Variants in OR7D2 observed in about 807,000 individuals in gnomAD.
The protein encoded by OR7D2 is olfactory receptor family 7 subfamily D member 2.
For missense variants in OR7D2, 370 were observed against 384.1 expected (o/e 0.96, Z 0.31); for synonymous variants, 158 against 158.7 (o/e 1.00, Z 0.03).
rs1416291799 is a variant in OR7D2, at chr19:9,186,032, A to G, written c.251A>G (p.Asn84Ser). The change falls in exon 3 of 3, where the codon AAC (asparagine) becomes AGC (serine). Residue 84 changes from asparagine (N) to serine (S), a missense_variant. Physicochemically the swap from Asn to Ser is conservative, Grantham distance 46 (BLOSUM62 1). Transcript: ENST00000641288. ...STCIVPKMLVNIQTENKAISY... is the reference protein window; with the variant it reads ...STCIVPKMLVSIQTENKAISY... The stretch of plus-strand genomic sequence containing the variant: ...TGCATCGTCCCCAAGATGCTGGTGA[A>G]CATCCAGACCGAGAACAAAGCCATC... The G allele has an allele frequency of 1.2e-6, 2 of 1,614,002 alleles. No homozygotes were observed. The highest frequency in any genetic ancestry group is 1.3e-5 in the African/African-American group (1 of 74,904).
In OR7D2 at chr19:9,182,933, G is replaced by A. The variant is rs61755866; in HGVS notation, c.-14+2145G>A. 8.0e-3 allele frequency: 3,482 copies of A among 436,812 alleles called. 119 individuals carry two copies. Among genetic ancestry groups the A allele is most frequent in the African/African-American group, 0.065 (3,182 of 49,222 alleles). The allele number at this position is 436,812 out of a possible 1,614,324, so 27.1% of individuals were successfully genotyped here. On this transcript the variant is annotated intron_variant, in intron 2 of 2. Transcript: ENST00000641288. ...ACTCAACATGGCTTTTATCGTGCCC[G>A]ATGTTAATGCACGTTCTTTTTTGAC...
rs56165015 is a variant in OR7D2, at chr19:9,187,498, T to TA, written c.*785dup. ...AGATACATACCATGTTTTCTTTTTT[T>TA]AAAAAAATTTATTTTTATGTCAGTA... On this transcript the variant is annotated 3_prime_UTR_variant, in exon 3 of 3. Coordinates refer to ENST00000641288, the MANE Select transcript of OR7D2 (RefSeq NM_175883.4). The TA allele has an allele frequency of 0.26, 43,580 of 166,228 alleles. 10,615 individuals are homozygous for TA. Among genetic ancestry groups the TA allele is most frequent in the African/African-American group, 0.67 (27,861 of 41,288 alleles). 10.3% of individuals were successfully genotyped at this position (166,228 alleles called of 1,614,324 possible).
chr19:9,185,092 C>G (rs967236961), intron 2 of OR7D2, among the ~76,000 whole-genome samples: 2 of 151,890 alleles, frequency 1.3e-5, no homozygotes, highest in Admixed American at 1.3e-4. Context: ...ATAGGATAAA[C>G]GAGTCTAGAG....
chr19:9,185,760 CT>C lies in OR7D2; in HGVS notation c.-13-5del, dbSNP rs1350052284. The C allele has an allele frequency of 2.0e-6, 3 of 1,523,034 alleles. No homozygotes were observed. The South Asian group carries it at 3.8e-5, about 19-fold the overall frequency. The allele number at this position is 1,523,034 out of a possible 1,614,324, so 94.3% of individuals were successfully genotyped here. On this transcript the variant is annotated splice_polypyrimidine_tract_variant and splice_region_variant and intron_variant, in intron 2 of 2. Transcript: ENST00000641288. ...CACCATGCCTGGCTAATGACCTCTT[CT>C]TTTGTAGATACATCAGCTACATGGA...
chr19:9,186,444 T>A lies in OR7D2; in HGVS notation c.663T>A (p.Ile221=). 1.2e-6 allele frequency: 2 copies of A among 1,614,192 alleles called. No individual in the cohort carries two copies. The highest frequency in any genetic ancestry group is 1.6e-4 in the Middle Eastern group (1 of 6,062). The part of the protein sequence containing the change: ...LLGIIFSYSR[I]ASSIRKMSSS... ...GGATCATTTTCTCTTATTCACGAAT[T>A]GCTTCATCCATAAGGAAGATGTCCT... The change falls in exon 3 of 3, where the codon ATT becomes ATA. Residue 221 remains isoleucine, a synonymous_variant. Transcript: ENST00000641288.
chr19:9,185,030 T>C (rs2051020152), intron 2 of OR7D2, among the ~76,000 whole-genome samples: 1 of 151,928 alleles, frequency 6.6e-6, no homozygotes, highest in Non-Finnish European at 1.5e-5. Context: ...GGGGTGCGGC[T>C]GGGGGAGAAA....
At position 9,184,857 on chromosome 19, in the gene OR7D2, G is replaced by A. The variant is rs2051018888; in HGVS notation, c.-13-912G>A. Among the ~76,000 whole-genome samples, 4 of 151,998 alleles carry A rather than the reference G, an allele frequency of 2.6e-5. No individual in the cohort carries two copies. In the South Asian group the frequency reaches 8.3e-4, roughly 31 times the overall value. Reference sequence around the variant, plus strand: ...TATTATTCCACTGATTGATAAAATAGGAATAGATCCTGCCATTTGCCACAA... The same window carrying A: ...TATTATTCCACTGATTGATAAAATAAGAATAGATCCTGCCATTTGCCACAA... On this transcript the variant is annotated intron_variant, in intron 2 of 2. Coordinates refer to ENST00000641288, the MANE Select transcript of OR7D2 (RefSeq NM_175883.4).
chr19:9,179,802 G>A (rs1428776114), intron 1 of OR7D2, among the ~76,000 whole-genome samples: 1 of 151,494 alleles, frequency 6.6e-6, no homozygotes, highest in Non-Finnish European at 1.5e-5. Flanking sequence ...TCAAGAGATC[G>A]AGACCATCCT....
rs2051040156 is a variant in OR7D2 at position 9,186,792 on chromosome 19, TAC to T, written c.*73_*74del. 4.7e-6 allele frequency: 5 copies of T among 1,062,232 alleles called. No individual in the cohort carries two copies. The highest frequency in any genetic ancestry group is 6.7e-6 in the Non-Finnish European group (5 of 740,858). 65.8% of individuals were successfully genotyped at this position (1,062,232 alleles called of 1,614,324 possible). On this transcript the variant is annotated 3_prime_UTR_variant, in exon 3 of 3. Transcript: ENST00000641288. ...CAAAAATGTTTTATTTTGAAATTCTTACTCTTTAAAATTAAAAACATTTTTTT... is the reference window on the plus strand; with the variant it reads ...CAAAAATGTTTTATTTTGAAATTCTTTCTTTAAAATTAAAAACATTTTTTT...
chr19:9,183,854 G>A (rs2051009112), intron 2 of OR7D2, among the ~76,000 whole-genome samples: 1 of 147,424 alleles, frequency 6.8e-6, no homozygotes. Context: ...CTACTCGGGA[G>A]GCTGAGGCAG....
chr19:9,186,760 C>T lies in OR7D2; in HGVS notation c.*40C>T, dbSNP rs1198139635. 1.5e-6 allele frequency: 2 copies of T among 1,320,550 alleles called. No individual in the cohort carries two copies. Among genetic ancestry groups the T allele is most frequent in the Non-Finnish European group, 2.1e-6 (2 of 957,266 alleles). 81.8% of individuals were successfully genotyped at this position (1,320,550 alleles called of 1,614,324 possible). ...CCAGGACTAAGAAGTTTTGTGAGCA[C>T]CAATGGCAAAAATGTTTTATTTTGA... On this transcript the variant is annotated 3_prime_UTR_variant, in exon 3 of 3. Transcript: ENST00000641288.
Position 9,178,998 on chromosome 19 carries a change from A to AGAG in OR7D2, c.-226_-224dup, listed in dbSNP as rs1394457359. On this transcript the variant is annotated 5_prime_UTR_variant, in exon 1 of 3. Coordinates refer to ENST00000641288, the MANE Select transcript of OR7D2 (RefSeq NM_175883.4). ...CTGACGCCACACTCATGCATCTTAGAGAGGAGAGTTAGGATGACTTCATGA... is the reference window on the plus strand; with the variant it reads ...CTGACGCCACACTCATGCATCTTAGAGAGGAGGAGAGTTAGGATGACTTCATGA... The AGAG allele has an allele frequency of 1.3e-5, 2 of 152,178 alleles. No homozygotes were observed. The highest frequency in any genetic ancestry group is 2.4e-5 in the African/African-American group (1 of 41,416). 9.4% of individuals were successfully genotyped at this position (152,178 alleles called of 1,614,324 possible). A position where few individuals can be genotyped will look rare whatever the true frequency, so the allele number is the denominator to read the frequency against.
Position 9,186,789 on chromosome 19 carries a change from T to A in OR7D2, c.*69T>A. ...TGGCAAAAATGTTTTATTTTGAAATTCTTACTCTTTAAAATTAAAAACATT... is the reference window on the plus strand; with the variant it reads ...TGGCAAAAATGTTTTATTTTGAAATACTTACTCTTTAAAATTAAAAACATT... On this transcript the variant is annotated 3_prime_UTR_variant, in exon 3 of 3. Coordinates refer to ENST00000641288, the MANE Select transcript of OR7D2 (RefSeq NM_175883.4). The A allele has an allele frequency of 1.9e-6, 2 of 1,073,882 alleles. No individual in the cohort carries two copies. Among genetic ancestry groups the A allele is most frequent in the Non-Finnish European group, 2.7e-6 (2 of 749,314 alleles). 66.5% of individuals were successfully genotyped at this position (1,073,882 alleles called of 1,614,324 possible).
At chr19:9,179,860 G>A (rs547715840) in intron 1 of OR7D2, among the ~76,000 whole-genome samples, 4 of 151,966 alleles carry the variant, frequency 2.6e-5, no homozygotes, top group South Asian at 2.1e-4. Flanking sequence ...AAAATTAGCC[G>A]GGCATGGTGG....
rs2051048437 is a variant in OR7D2 at position 9,187,660 on chromosome 19, T to G, written c.*940T>G. On this transcript the variant is annotated 3_prime_UTR_variant, in exon 3 of 3. Transcript: ENST00000641288. ...CCCTCCCAACCTTTCTCCCTTCAAG[T>G]CACCAAAGTTCATTATATTGTTCAT... is the stretch of plus-strand genomic sequence containing the variant. 1 of 166,992 alleles carries G rather than the reference T, an allele frequency of 6.0e-6. No homozygotes were observed. Among genetic ancestry groups the G allele is most frequent in the South Asian group, 2.1e-4 (1 of 4,808 alleles). The allele number at this position is 166,992 out of a possible 1,614,324, so 10.3% of individuals were successfully genotyped here.
rs1169004854 is a variant in OR7D2 at position 9,186,276 on chromosome 19, T to C, written c.495T>C (p.His165=). 8 of 1,614,040 alleles carry C rather than the reference T, an allele frequency of 5.0e-6. No individual in the cohort carries two copies. The highest frequency in any genetic ancestry group is 1.6e-4 in the Middle Eastern group (1 of 6,084). The part of the protein sequence containing the change: ...TSLLHISLMM[H]LIFCKDFEIP... ...TCCTCCATATTTCTCTGATGATGCATCTAATCTTCTGTAAAGATTTTGAAA... is the reference window on the plus strand; with the variant it reads ...TCCTCCATATTTCTCTGATGATGCACCTAATCTTCTGTAAAGATTTTGAAA... Residue 165 remains histidine, a synonymous_variant, in exon 3 of 3, where the codon CAT becomes CAC. Coordinates refer to ENST00000641288, the MANE Select transcript of OR7D2 (RefSeq NM_175883.4).
chr19:9,183,409 G>T (rs1365304546), intron 2 of OR7D2, among the ~76,000 whole-genome samples: 2 of 152,102 alleles, frequency 1.3e-5, no homozygotes, highest in Non-Finnish European at 2.9e-5. Flanking sequence ...CTGAGTGGCT[G>T]GGACTACAGG....
intron 2 of OR7D2, among the ~76,000 whole-genome samples, chr19:9,181,364 G>A (rs1207690944): frequency 6.8e-6 from 1 of 148,134 alleles, no homozygotes; most frequent in Non-Finnish European, 1.5e-5. Context: ...GTCATCTATA[G>A]CAAAAGAAAG....
rs767692324 is a variant in OR7D2 at position 9,186,598 on chromosome 19, G to A, written c.817G>A (p.Val273Met). ...AVTHSSQKIS[V>M]ASVMYTVVTP... ...GACTCACTCTTCCCAGAAAATCTCC[G>A]TGGCCTCGGTGATGTACACTGTGGT... The change falls in exon 3 of 3, where the codon GTG (valine) becomes ATG (methionine). Residue 273 changes from valine to methionine, a missense_variant. Coordinates refer to ENST00000641288, the MANE Select transcript of OR7D2 (RefSeq NM_175883.4). 19 of 1,613,508 alleles carry A rather than the reference G, an allele frequency of 1.2e-5. No homozygotes were observed. The East Asian group carries it at 1.6e-4, about 13-fold the overall frequency.
Sources: allele counts gnomAD v4.1 joint callset (sites outside exome capture counted in the v4.1 genomes callset), GRCh38; gene constraint gnomAD v4.1.1; transcripts MANE v1.5; gene names NCBI Gene and HGNC (gene_info 2026-07-23, HGNC 2026-07-21).